The following DPYS variants were observed in gnomAD, a reference collection of about 807,000 sequenced individuals.
The protein encoded by DPYS is dihydropyrimidine amidohydrolase.
Under a neutral mutation model 50.3 loss-of-function variants are expected in DPYS, and 39 were observed. The ratio of observed to expected loss-of-function variants is 0.78; its 90% CI spans 0.60 to 1.01. The LOEUF is 1.01. Among genes scored for constraint, DPYS ranks in the 50% least tolerant of loss-of-function variants. The probability of loss-of-function intolerance (pLI) is 0.00; values close to 1 mark genes in which losing one functional copy is unlikely to be tolerated. For missense variants in DPYS, 659 were observed against 680.9 expected (o/e 0.97, Z 0.36); for synonymous variants, 245 against 250.7 (o/e 0.98, Z 0.22).
chr8:104,408,677 T>G (rs532030101), intron 7 of DPYS, among the ~76,000 whole-genome samples: 89 of 152,142 alleles, frequency 5.8e-4, no homozygotes, highest in Non-Finnish European at 1.1e-3. Flanking sequence ...TACTATGAAA[T>G]CTAAATTAAG....
intron 4 of DPYS, among the ~76,000 whole-genome samples, chr8:104,440,398 C>A (rs751980656): frequency 2.6e-5 from 4 of 152,088 alleles, no homozygotes; most frequent in Non-Finnish European, 5.9e-5. Flanking sequence ...TCTGGATGGG[C>A]CCCAAGGCTC....
At chr8:104,386,376 T>C (rs1477128223) in intron 8 of DPYS, among the ~76,000 whole-genome samples, 1 of 151,720 alleles carries the variant, frequency 6.6e-6, no homozygotes, top group East Asian at 2.0e-4. Flanking sequence ...CTACTAAAAA[T>C]ACAAAAATTA....
At chr8:104,392,197 C>G (rs1305364274) in intron 8 of DPYS, among the ~76,000 whole-genome samples, 1 of 152,158 alleles carries the variant, frequency 6.6e-6, no homozygotes, top group African/African-American at 2.4e-5. Flanking sequence ...CTTCATTACA[C>G]TTTTACACAG....
intron 4 of DPYS, among the ~76,000 whole-genome samples, chr8:104,433,026 C>T (rs971169569): frequency 2.0e-5 from 3 of 152,006 alleles, no homozygotes; most frequent in African/African-American, 2.4e-5. Flanking sequence ...GGTTCTTATA[C>T]GAAGAGGAAA....
chr8:104,455,656 G>T (rs1381393136), intron 1 of DPYS, among the ~76,000 whole-genome samples: 1 of 152,146 alleles, frequency 6.6e-6, no homozygotes, highest in African/African-American at 2.4e-5. Flanking sequence ...ATTAGAGGAT[G>T]CCATAGAGGT....
In DPYS at chr8:104,392,914, AG is replaced by A; in HGVS notation, c.1312del (p.Val439Ter). On this transcript the variant is annotated frameshift_variant, in exon 8 of 10. Transcript: ENST00000351513. LOFTEE classifies it high-confidence loss of function. ...CACTTTGCCTCTTGAAATAGTCACA[AG>A]GGGCACCCCGTGGCAAACCATGCCC... is the stretch of plus-strand genomic sequence containing the variant. The part of the protein sequence containing the change: ...FEGMVCHGVP[L>X]VTISRGKVVY... 6.2e-7 allele frequency: 1 copy of A among 1,614,222 alleles called. No homozygotes were observed. Among genetic ancestry groups the A allele is most frequent in the East Asian group, 2.2e-5 (1 of 44,888 alleles).
chr8:104,458,380 A>G (rs1026070899), intron 1 of DPYS, among the ~76,000 whole-genome samples: 2 of 152,178 alleles, frequency 1.3e-5, no homozygotes, highest in African/African-American at 4.8e-5. Flanking sequence ...TGCCTCTCTT[A>G]GGAGACCTGA....
intron 4 of DPYS, among the ~76,000 whole-genome samples, chr8:104,440,550 C>A (rs1162841855): frequency 1.3e-5 from 2 of 152,026 alleles, no homozygotes; most frequent in Non-Finnish European, 2.9e-5. Flanking sequence ...CAGGCATGAG[C>A]CACCTCGACC....
intron 4 of DPYS, 92 bp downstream of exon 4, chr8:104,444,156 C>T: frequency 7.2e-7 from 1 of 1,386,662 alleles, no homozygotes. Flanking sequence ...AATCCACATG[C>T]ACTTTCTCCT....
At chr8:104,449,462 C>T (rs772383938) in intron 2 of DPYS, among the ~76,000 whole-genome samples, 17 of 152,328 alleles carry the variant, frequency 1.1e-4, no homozygotes, top group Admixed American at 6.5e-4. Context: ...GCAGCGTCAC[C>T]TGGTTGCTTG....
intron 4 of DPYS, among the ~76,000 whole-genome samples, chr8:104,436,747 T>C (rs1186478602): frequency 2.0e-5 from 3 of 151,916 alleles, no homozygotes; most frequent in African/African-American, 7.3e-5. Flanking sequence ...GTAATCCCAA[T>C]ACTTTGGGCA....
chr8:104,397,263 C>T (rs917175752), intron 7 of DPYS, among the ~76,000 whole-genome samples: 1 of 152,236 alleles, frequency 6.6e-6, no homozygotes, highest in Admixed American at 6.5e-5. Flanking sequence ...TTAGCATTAT[C>T]TGAAGGTATC....
chr8:104,464,237 A>G (rs1429481508), intron 1 of DPYS, among the ~76,000 whole-genome samples: 3 of 152,236 alleles, frequency 2.0e-5, no homozygotes, highest in African/African-American at 4.8e-5. Flanking sequence ...ACTATACGCC[A>G]TAAGGACCTA....
chr8:104,461,284 C>A (rs1378423052), intron 1 of DPYS, among the ~76,000 whole-genome samples: 4 of 84,524 alleles, frequency 4.7e-5, no homozygotes, highest in African/African-American at 1.7e-4. Context: ...AGAGTGAGAC[C>A]CTGTCTCAAT....
At chr8:104,450,590 T>C (rs574126986) in intron 2 of DPYS, among the ~76,000 whole-genome samples, 20 of 152,242 alleles carry the variant, frequency 1.3e-4, no homozygotes, top group Non-Finnish European at 2.8e-4. Flanking sequence ...CTTTTCTATC[T>C]AAATCATGTT....
chr8:104,456,079 G>A (rs1212624511), intron 1 of DPYS, among the ~76,000 whole-genome samples: 6 of 152,038 alleles, frequency 3.9e-5, no homozygotes, highest in Non-Finnish European at 8.8e-5. Context: ...TAGATACACA[G>A]TTATTATTGT....
rs1256205193 is a variant in DPYS at position 104,451,397 on chromosome 8, A to G, written c.272T>C (p.Leu91Pro). 3.7e-6 allele frequency: 6 copies of G among 1,614,062 alleles called. No homozygotes were observed. The highest frequency in any genetic ancestry group is 4.2e-6 in the Non-Finnish European group (5 of 1,180,020). The change falls in exon 2 of 10, where the codon CTC (leucine) becomes CCC (proline). Residue 91 changes from leucine (L) to proline (P), a missense_variant. Coordinates refer to ENST00000351513, the MANE Select transcript of DPYS (RefSeq NM_001385.3). Reference protein sequence around the residue: ...DDFHQGTKAALSGGTTMIIDF... With the variant: ...DDFHQGTKAAPSGGTTMIIDF... ...AATAATCATGGTGGTGCCTCCTGAG[A>G]GAGCAGCCTGGAATCATAAGAGGTT...
intron 3 of DPYS, among the ~76,000 whole-genome samples, chr8:104,445,020 C>T (rs1394161986): frequency 6.6e-6 from 1 of 152,200 alleles, no homozygotes; most frequent in African/African-American, 2.4e-5. Flanking sequence ...AGGTGCTCAA[C>T]ATCACTGATC....
At chr8:104,409,991 G>T (rs1010171077) in intron 7 of DPYS, among the ~76,000 whole-genome samples, 1 of 152,040 alleles carries the variant, frequency 6.6e-6, no homozygotes, top group African/African-American at 2.4e-5. Context: ...AGTTACTTGG[G>T]GTGTTCCTTA....
Sources: gnomAD v4.1 joint callset for allele counts (sites outside exome capture counted in the v4.1 genomes callset) on GRCh38, gnomAD v4.1.1 for gene constraint, MANE v1.5 for transcripts, NCBI Gene and HGNC (gene_info 2026-07-23, HGNC 2026-07-21) for gene names.